The following GAD2 variants were observed in gnomAD, a reference collection of about 807,000 sequenced individuals.
GAD2 encodes the protein glutamate decarboxylase 2, also known as 65 kDa glutamic acid decarboxylase.
In GAD2, 22 loss-of-function variants were observed where a neutral mutation model predicts 80.1. The ratio of observed to expected loss-of-function variants is 0.27; its 90% CI spans 0.20 to 0.39. The LOEUF (loss-of-function observed/expected upper bound fraction) is 0.39. Ranked by LOEUF, GAD2 falls within the 10% of genes least tolerant of loss-of-function variation. The probability of loss-of-function intolerance (pLI) is 1.00; values close to 1 mark genes in which losing one functional copy is unlikely to be tolerated. For synonymous variants in GAD2, 274 were observed against 256.9 expected (o/e 1.07, Z -0.64); for missense variants, 624 against 738.4 (o/e 0.85, Z 1.80).
chr10:26,245,584 C>T (rs1589142701), intron 7 of GAD2, among the ~76,000 whole-genome samples: 2 of 152,022 alleles, frequency 1.3e-5, no homozygotes, highest in Middle Eastern at 6.8e-3. Context: ...ATTATAGGCG[C>T]CCGCCACCAC....
In GAD2 at chr10:26,219,149, A is replaced by C; in HGVS notation, c.393A>C (p.Lys131Asn). 3 of 1,613,620 alleles carry C rather than the reference A, an allele frequency of 1.9e-6. No individual in the cohort carries two copies. Among genetic ancestry groups the C allele is most frequent in the Non-Finnish European group, 8.5e-7 (1 of 1,179,642 alleles). ...YVVKSFDRST[K>N]VIDFHYPNEL... Reference sequence around the variant, plus strand: ...TGAAAAGTTTCGATAGATCAACCAAAGTGATTGATTTCCATTATCCTAATG... The same window carrying C: ...TGAAAAGTTTCGATAGATCAACCAACGTGATTGATTTCCATTATCCTAATG... The change falls in exon 4 of 16, where the codon AAA (lysine) becomes AAC (asparagine). Residue 131 changes from lysine (K) to asparagine (N), a missense_variant. By Grantham distance (94) the Lys-to-Asn change is moderately conservative. Transcript: ENST00000376261.
intron 6 of GAD2, among the ~76,000 whole-genome samples, chr10:26,227,041 G>A (rs1269398835): frequency 6.6e-6 from 1 of 152,126 alleles, no homozygotes; most frequent in African/African-American, 2.4e-5. Context: ...CGCCAAGGCT[G>A]GAGTGCAGTG....
Position 26,217,633 on chromosome 10 carries a change from C to G in GAD2, c.100C>G (p.Gln34Glu), listed in dbSNP as rs992710798. The change falls in exon 2 of 16, where the codon CAG becomes GAG. Residue 34 changes from glutamine (Q) to glutamate (E), a missense_variant. Coordinates refer to ENST00000376261, the MANE Select transcript of GAD2 (RefSeq NM_001134366.2). This position sits in a 1 kb window ranked among gnomAD's most constrained non-coding sequence, Gnocchi z 4.9. ...GTARAWCQVA[Q>E]KFTGGIGNKL... ...AGCGCGAGCCTGGTGCCAAGTGGCT[C>G]AGAAGTTCACGGGCGGCATCGGAAA... 2 of 1,613,536 alleles carry G rather than the reference C, an allele frequency of 1.2e-6. No homozygotes were observed. The highest frequency in any genetic ancestry group is 1.7e-6 in the Non-Finnish European group (2 of 1,179,852).
chr10:26,258,302 G>A (rs981701922), intron 8 of GAD2, among the ~76,000 whole-genome samples: 2 of 152,200 alleles, frequency 1.3e-5, no homozygotes, highest in Non-Finnish European at 2.9e-5. Flanking sequence ...TGTAAGTGAA[G>A]AGTCAGGGTG....
chr10:26,244,518 GGT>G (rs1351882582), intron 7 of GAD2, among the ~76,000 whole-genome samples: 6 of 152,082 alleles, frequency 3.9e-5, no homozygotes, highest in Non-Finnish European at 7.4e-5. Flanking sequence ...AACAAAATGT[GGT>G]ATGTACATGT....
chr10:26,227,506 G>A (rs565179939), intron 6 of GAD2, among the ~76,000 whole-genome samples: 4 of 152,326 alleles, frequency 2.6e-5, no homozygotes, highest in South Asian at 2.1e-4. Context: ...CTTAGGATAC[G>A]TCTTCCCCTT....
At chr10:26,280,245 G>A (rs554371103) in intron 11 of GAD2, among the ~76,000 whole-genome samples, 1 of 151,486 alleles carries the variant, frequency 6.6e-6, no homozygotes, top group African/African-American at 2.5e-5. Context: ...CCAAAAAACT[G>A]AGACAGGTCT....
chr10:26,252,350 T>C (rs1844889579), intron 8 of GAD2, among the ~76,000 whole-genome samples: 1 of 152,074 alleles, frequency 6.6e-6, no homozygotes, highest in African/African-American at 2.4e-5. Context: ...TTTTTTTCTT[T>C]TTTTCTTTTT....
At chr10:26,243,709 T>G (rs1844771336) in intron 7 of GAD2, among the ~76,000 whole-genome samples, 2 of 152,236 alleles carry the variant, frequency 1.3e-5, no homozygotes, top group Non-Finnish European at 2.9e-5. Flanking sequence ...ACCTCTTTTT[T>G]AAAGCCTGAC....
chr10:26,301,058 A>T lies in GAD2; in HGVS notation c.*97A>T. 9.4e-7 allele frequency: 1 copy of T among 1,061,622 alleles called. No homozygotes were observed. Among genetic ancestry groups the T allele is most frequent in the Non-Finnish European group, 1.4e-6 (1 of 713,740 alleles). 65.8% of individuals were successfully genotyped at this position (1,061,622 alleles called of 1,614,324 possible). ...TTGTAGTTTGTTCCAAAGTAAATCT[A>T]TTTCTATATTGTGGTGTCAAAGTAG... On this transcript the variant is annotated 3_prime_UTR_variant, in exon 16 of 16. Coordinates refer to ENST00000376261, the MANE Select transcript of GAD2 (RefSeq NM_001134366.2).
chr10:26,227,835 T>A (rs1844549069), intron 6 of GAD2, among the ~76,000 whole-genome samples: 1 of 152,252 alleles, frequency 6.6e-6, no homozygotes, highest in African/African-American at 2.4e-5. Context: ...GGGTGTCTGC[T>A]CAGAGCAGGC....
intron 11 of GAD2, among the ~76,000 whole-genome samples, chr10:26,277,161 G>A (rs781359635): frequency 6.6e-6 from 1 of 152,160 alleles, no homozygotes; most frequent in Admixed American, 6.5e-5. Flanking sequence ...GTACTTCATC[G>A]GGCAGAAATG....
At chr10:26,239,487 A>C (rs1658137344) in intron 7 of GAD2, among the ~76,000 whole-genome samples, 1 of 152,246 alleles carries the variant, frequency 6.6e-6, no homozygotes. Flanking sequence ...CAGATAGTTA[A>C]GGCAATAAAT....
At chr10:26,255,879 T>C (rs529035160) in intron 8 of GAD2, among the ~76,000 whole-genome samples, 11 of 148,530 alleles carry the variant, frequency 7.4e-5, no homozygotes, top group Non-Finnish European at 1.5e-4. Flanking sequence ...GGGAGAGTGA[T>C]GTGTGATGGC....
At chr10:26,279,024 G>A (rs904568741) in intron 11 of GAD2, among the ~76,000 whole-genome samples, 2 of 151,892 alleles carry the variant, frequency 1.3e-5, no homozygotes, top group South Asian at 2.1e-4. Flanking sequence ...CAGCTGCCAC[G>A]GGTTATTCTA....
chr10:26,271,198 T>C (rs1305401148), intron 10 of GAD2, among the ~76,000 whole-genome samples: 1 of 152,202 alleles, frequency 6.6e-6, no homozygotes, highest in African/African-American at 2.4e-5. Context: ...TCAAGTTAGA[T>C]ATTCCTGTAT....
At chr10:26,255,386 G>A (rs1191104993) in intron 8 of GAD2, among the ~76,000 whole-genome samples, 1 of 152,130 alleles carries the variant, frequency 6.6e-6, no homozygotes, top group African/African-American at 2.4e-5. Flanking sequence ...TTTGCAGTGG[G>A]TTGGGGTGAG....
chr10:26,255,628 G>A, intron 8 of GAD2, among the ~76,000 whole-genome samples: 1 of 126,062 alleles, frequency 7.9e-6, no homozygotes, highest in Admixed American at 8.2e-5. Flanking sequence ...AAGGGAGGGA[G>A]GAAGGAAGGA....
At position 26,273,629 on chromosome 10, in the gene GAD2, T is replaced by A. The variant is rs1729492967; in HGVS notation, c.1093-7T>A. ...GCTACCATTTTCCTCATATGATTTT[T>A]TTTCAGGCAGCTTGGGGTGGGGGAT... On this transcript the variant is annotated splice_region_variant and splice_polypyrimidine_tract_variant and intron_variant, in intron 10 of 15. Transcript: ENST00000376261. 6.2e-7 allele frequency: 1 copy of A among 1,613,268 alleles called. No individual in the cohort carries two copies. Among genetic ancestry groups the A allele is most frequent in the Admixed American group, 1.7e-5 (1 of 59,928 alleles).
Sources: allele counts gnomAD v4.1 joint callset (sites outside exome capture counted in the v4.1 genomes callset), GRCh38; gene constraint gnomAD v4.1.1; non-coding constraint Gnocchi (gnomAD v3.1); transcripts MANE v1.5; gene names NCBI Gene and HGNC (gene_info 2026-07-23, HGNC 2026-07-21).